Variants in SH3PXD2A observed in about 807,000 individuals in gnomAD.
SH3PXD2A encodes SH3 and PX domains 2A, also known as SH3 and PX domain-containing protein 2A.
Under a neutral mutation model 115.2 loss-of-function variants are expected in SH3PXD2A, and 32 were observed. That is an observed-to-expected ratio of 0.28 (90% CI 0.21 to 0.37). The LOEUF (loss-of-function observed/expected upper bound fraction) is 0.37. Ranked by LOEUF, SH3PXD2A falls within the 10% of genes least tolerant of loss-of-function variation. SH3PXD2A has a pLI of 1.00. For synonymous variants in SH3PXD2A, 610 were observed against 629.1 expected (o/e 0.97, Z 0.45); for missense variants, 1,328 against 1,498.7 (o/e 0.89, Z 1.88).
In SH3PXD2A at chr10:103,670,149, G is replaced by A. The variant is rs574593764; in HGVS notation, c.428-1497C>T. ...ACCTTCCAATTGCAGGTTGGCTCCC[G>A]GTGTAGAACTAGAAAGCCTGGCCCC... On this transcript the variant is annotated intron_variant, in intron 6 of 14. Transcript: ENST00000369774. 7.2e-5 allele frequency among the ~76,000 whole-genome samples: 11 copies of A among 152,200 alleles called. No homozygotes were observed. In the South Asian group the frequency reaches 1.0e-3, roughly 14 times the overall value.
chr10:103,637,070 C>G (rs953888865), intron 8 of SH3PXD2A, among the ~76,000 whole-genome samples: 12 of 152,210 alleles, frequency 7.9e-5, no homozygotes, highest in Admixed American at 7.2e-4. Context: ...TTCCCGAGCA[C>G]CTGGTACGGG....
intron 1 of SH3PXD2A, among the ~76,000 whole-genome samples, chr10:103,838,715 G>A (rs956810453): frequency 4.6e-5 from 7 of 152,306 alleles, no homozygotes; most frequent in East Asian, 3.9e-4. Context: ...GTAACAGCTC[G>A]GTCCTAAGTG....
intron 6 of SH3PXD2A, among the ~76,000 whole-genome samples, chr10:103,681,163 G>T (rs2134105146): frequency 6.6e-6 from 1 of 152,328 alleles, no homozygotes; most frequent in Admixed American, 6.5e-5. Context: ...ATCAGGTCAG[G>T]GCTGGGTAGG....
intron 1 of SH3PXD2A, among the ~76,000 whole-genome samples, chr10:103,824,527 A>G (rs1443587020): frequency 1.3e-5 from 2 of 152,006 alleles, no homozygotes; most frequent in African/African-American, 4.8e-5. Flanking sequence ...GCCCGCCCAT[A>G]CCCACTAGTT....
intron 8 of SH3PXD2A, among the ~76,000 whole-genome samples, chr10:103,629,308 GCCGCTGGCAGGT>G (rs1376977457): frequency 6.6e-6 from 1 of 152,246 alleles, no homozygotes; most frequent in Non-Finnish European, 1.5e-5. Context: ...CTGGGCAGCA[GCCGCTGGCAGGT>G]CAGAGACTTC....
intron 2 of SH3PXD2A, among the ~76,000 whole-genome samples, chr10:103,797,502 T>C (rs1471898055): frequency 6.6e-6 from 1 of 151,982 alleles, no homozygotes; most frequent in Non-Finnish European, 1.5e-5. Flanking sequence ...CTTAATGCCA[T>C]GAGTCACCCC....
At chr10:103,793,046 ATATTT>A (rs1185881786) in intron 2 of SH3PXD2A, among the ~76,000 whole-genome samples, 1 of 152,240 alleles carries the variant, frequency 6.6e-6, no homozygotes, top group Non-Finnish European at 1.5e-5. Context: ...CAGGAAAGAC[ATATTT>A]TATTTTTGAC....
At chr10:103,742,380 C>T (rs535404780) in intron 3 of SH3PXD2A, among the ~76,000 whole-genome samples, 26 of 152,356 alleles carry the variant, frequency 1.7e-4, no homozygotes, top group African/African-American at 5.8e-4. Flanking sequence ...ACATCTCCTT[C>T]TGCCTTTCTC....
chr10:103,744,257 G>A (rs1261784698), intron 3 of SH3PXD2A, among the ~76,000 whole-genome samples: 3 of 151,612 alleles, frequency 2.0e-5, no homozygotes, highest in Non-Finnish European at 2.9e-5. Context: ...GGGTTCAAGC[G>A]ATTCTCCTGC....
intron 3 of SH3PXD2A, among the ~76,000 whole-genome samples, chr10:103,765,471 G>A (rs1564883645): frequency 6.6e-6 from 1 of 152,224 alleles, no homozygotes; most frequent in Non-Finnish European, 1.5e-5. Context: ...CCGTAGATGA[G>A]GAAAACAAAT....
intron 5 of SH3PXD2A, among the ~76,000 whole-genome samples, chr10:103,717,997 C>CT (rs2038127042): frequency 7.7e-6 from 1 of 130,678 alleles, no homozygotes; most frequent in African/African-American, 3.1e-5. Context: ...CTTGGTGTGG[C>CT]TTCCATGTGT....
At chr10:103,611,531 C>G in intron 13 of SH3PXD2A, 50 bp downstream of exon 13, 1 of 1,511,366 alleles carries the variant, frequency 6.6e-7, no homozygotes, top group Non-Finnish European at 9.2e-7. Context: ...GTGGCTATAG[C>G]GCATTCACAG....
chr10:103,783,075 C>G (rs893567213), intron 2 of SH3PXD2A, among the ~76,000 whole-genome samples: 1 of 152,060 alleles, frequency 6.6e-6, no homozygotes, highest in Non-Finnish European at 1.5e-5. Context: ...CAGCACTGCG[C>G]TTGGTGCCCA....
rs2036181070 is a variant in SH3PXD2A, at chr10:103,599,229, C to CTAT, written c.*2584_*2586dup. On this transcript the variant is annotated 3_prime_UTR_variant, in exon 15 of 15. Transcript: ENST00000369774. The stretch of plus-strand genomic sequence containing the variant: ...CTTTCAGTCCTGCATTTTAATGACT[C>CTAT]TATTACTTACAGCACTGGGGGTCAA... The CTAT allele has an allele frequency of 7.4e-6, 1 of 135,032 alleles. No individual in the cohort carries two copies. Among genetic ancestry groups the CTAT allele is most frequent in the African/African-American group, 2.9e-5 (1 of 34,972 alleles). The allele number at this position is 135,032 out of a possible 1,614,324, so 8.4% of individuals were successfully genotyped here.
At chr10:103,700,896 G>A (rs1004965233) in intron 5 of SH3PXD2A, among the ~76,000 whole-genome samples, 1 of 152,152 alleles carries the variant, frequency 6.6e-6, no homozygotes, top group Non-Finnish European at 1.5e-5. Flanking sequence ...AGAAGGTCAA[G>A]GAGGATATCC....
In SH3PXD2A at chr10:103,594,425, TG is replaced by T. The variant is rs1307836275; in HGVS notation, c.*7390del. On this transcript the variant is annotated 3_prime_UTR_variant, in exon 15 of 15. Transcript: ENST00000369774. ...GAAAACCTGGAGGAAGGGCTCCTCC[TG>T]ACCCCACAGAGCCCACTAAGAGCTG... 1.3e-5 allele frequency: 2 copies of T among 152,468 alleles called. No homozygotes were observed. The highest frequency in any genetic ancestry group is 4.8e-5 in the African/African-American group (2 of 41,450). The allele number at this position is 152,468 out of a possible 1,614,324, so 9.4% of individuals were successfully genotyped here. A position where few individuals can be genotyped will look rare whatever the true frequency, so the allele number is the denominator to read the frequency against.
chr10:103,655,038 C>G lies in SH3PXD2A; in HGVS notation c.604+5945G>C, dbSNP rs115753295. On this transcript the variant is annotated intron_variant, in intron 8 of 14. Coordinates refer to ENST00000369774, the MANE Select transcript of SH3PXD2A (RefSeq NM_001394015.1). ...CCCAGGCCCTTTCCCCTCCAGCCAGCTCTGTGAAGTGGGTAACGGCTGCAC... is the reference window on the plus strand; with the variant it reads ...CCCAGGCCCTTTCCCCTCCAGCCAGGTCTGTGAAGTGGGTAACGGCTGCAC... Among the ~76,000 whole-genome samples, 913 of 152,296 alleles carry G rather than the reference C, an allele frequency of 6.0e-3. 8 individuals carry two copies. Among genetic ancestry groups the G allele is most frequent in the African/African-American group, 0.02 (848 of 41,552 alleles).
At chr10:103,651,782 C>A (rs567571876) in intron 8 of SH3PXD2A, among the ~76,000 whole-genome samples, 5 of 152,318 alleles carry the variant, frequency 3.3e-5, no homozygotes, top group Admixed American at 6.5e-5. Context: ...TCTTAGCTAG[C>A]ACGAGCAGGC....
rs2036183626 is a variant in SH3PXD2A at position 103,599,367 on chromosome 10, C to T, written c.*2449G>A. On this transcript the variant is annotated 3_prime_UTR_variant, in exon 15 of 15. Coordinates refer to ENST00000369774, the MANE Select transcript of SH3PXD2A (RefSeq NM_001394015.1). ...ACTGTGGTCCAGTCCAACTGAGATG[C>T]TCTGTGCTTGGCAGACATGCTCTGC... 6.6e-6 allele frequency: 1 copy of T among 152,670 alleles called. No individual in the cohort carries two copies. Among genetic ancestry groups the T allele is most frequent in the African/African-American group, 2.4e-5 (1 of 41,404 alleles). 9.5% of individuals were successfully genotyped at this position (152,670 alleles called of 1,614,324 possible).
Sources: allele counts gnomAD v4.1 joint callset (sites outside exome capture counted in the v4.1 genomes callset), GRCh38; gene constraint gnomAD v4.1.1; transcripts MANE v1.5; gene names NCBI Gene and HGNC (gene_info 2026-07-23, HGNC 2026-07-21).